PPP2R3A: variants seen among roughly 807,000 people sequenced by gnomAD.
PPP2R3A encodes serine/threonine-protein phosphatase 2A regulatory subunit B'' subunit alpha.
PPP2R3A carries 80 observed loss-of-function variants against 106.9 expected under a neutral mutation model. That is an observed-to-expected ratio of 0.75 (90% CI 0.62 to 0.90). The LOEUF is 0.90. PPP2R3A is among the 40% of genes least tolerant of loss of function. The pLI, the probability that PPP2R3A is intolerant of heterozygous loss-of-function variation, is 0.00. For missense variants in PPP2R3A, 1,386 were observed against 1,350.4 expected (o/e 1.03, Z -0.41); for synonymous variants, 483 against 468.3 (o/e 1.03, Z -0.41).
rs1378687533 is a variant in PPP2R3A, at chr3:136,145,853, A to G, written c.*687A>G. 1.3e-5 allele frequency: 2 copies of G among 152,438 alleles called. No homozygotes were observed. The highest frequency in any genetic ancestry group is 2.4e-5 in the African/African-American group (1 of 41,456). The allele number at this position is 152,438 out of a possible 1,614,324, so 9.4% of individuals were successfully genotyped here. On this transcript the variant is annotated 3_prime_UTR_variant, in exon 14 of 14. Coordinates refer to ENST00000264977, the MANE Select transcript of PPP2R3A (RefSeq NM_002718.5). ...TTATATAAAATCTCAAGATAAAAAA[A>G]CACTTCTTAAATGAAGTATAGAATT...
chr3:136,083,703 A>C (rs865969152), intron 8 of PPP2R3A, among the ~76,000 whole-genome samples: 1 of 152,236 alleles, frequency 6.6e-6, no homozygotes, highest in Non-Finnish European at 1.5e-5. Context: ...CATGTGGGAA[A>C]GTTTGGAACT....
chr3:135,971,373 A>G (rs1169831302), intron 1 of PPP2R3A, among the ~76,000 whole-genome samples: 3 of 152,178 alleles, frequency 2.0e-5, no homozygotes, highest in Non-Finnish European at 4.4e-5. Context: ...TTGTAATGCA[A>G]ATGGTCACAA....
intron 13 of PPP2R3A, among the ~76,000 whole-genome samples, chr3:136,114,453 A>C (rs1217150917): frequency 6.6e-6 from 1 of 152,120 alleles, no homozygotes; most frequent in Non-Finnish European, 1.5e-5. Context: ...ACTCCCCTGG[A>C]AGGGGGCTCA....
In PPP2R3A at chr3:136,041,258, T is replaced by TTG. The variant is rs1935271873; in HGVS notation, c.2366+297_2366+298insGT. Among the ~76,000 whole-genome samples, 9 of 121,894 alleles carry TTG rather than the reference T, an allele frequency of 7.4e-5. No homozygotes were observed. In the East Asian group the frequency reaches 8.1e-4, roughly 11 times the overall value. 80.0% of individuals were successfully genotyped at this position (121,894 alleles called of 152,430 possible). On this transcript the variant is annotated intron_variant, in intron 4 of 13. Transcript: ENST00000264977. ...TTCTTGTTTTTTTTTTTGTTTTTTT[T>TTG]TTTGTTTTTTTTTTTTTGAGACAGA...
At chr3:136,072,188 T>C (rs1936455171) in intron 6 of PPP2R3A, among the ~76,000 whole-genome samples, 1 of 152,202 alleles carries the variant, frequency 6.6e-6, no homozygotes, top group Admixed American at 6.5e-5. Context: ...CTCTATAATA[T>C]AAGCTCCATA....
intron 5 of PPP2R3A, among the ~76,000 whole-genome samples, chr3:136,057,381 C>T (rs568490489): frequency 4.6e-5 from 7 of 152,078 alleles, no homozygotes; most frequent in African/African-American, 1.2e-4. Context: ...GAACTGGAGG[C>T]CATTATGTTA....
intron 6 of PPP2R3A, among the ~76,000 whole-genome samples, chr3:136,076,560 C>T (rs538218272): frequency 2.0e-5 from 3 of 152,122 alleles, no homozygotes; most frequent in Admixed American, 6.5e-5. Flanking sequence ...GAAGCCAACC[C>T]GTATTTCTCT....
rs775678749 is a variant in PPP2R3A, at chr3:136,018,647, G to A, written c.1996-8185G>A. Among the ~76,000 whole-genome samples, 16 of 151,962 alleles carry A rather than the reference G, an allele frequency of 1.1e-4. 1 individual carries two copies. Among genetic ancestry groups the A allele is most frequent in the South Asian group, 8.3e-4 (4 of 4,818 alleles). On this transcript the variant is annotated intron_variant, in intron 2 of 13. Transcript: ENST00000264977. ...CCTACCCAATCTCACCTTCCTTCAGGGTACATTTTAAACTTATTCCTCAGT... is the reference window on the plus strand; with the variant it reads ...CCTACCCAATCTCACCTTCCTTCAGAGTACATTTTAAACTTATTCCTCAGT...
rs1337740099 is a variant in PPP2R3A at position 135,967,663 on chromosome 3, G to GT, written c.-441+1816dup. Among the ~76,000 whole-genome samples, 18 of 152,220 alleles carry GT rather than the reference G, an allele frequency of 1.2e-4. No individual in the cohort carries two copies. The East Asian group carries it at 3.5e-3, about 29-fold the overall frequency. ...CATAGTCCCCACTGATCTGGCCCCT[G>GT]TTACCTTTCAAACACACAGCTGAAG... On this transcript the variant is annotated intron_variant, in intron 1 of 13. Coordinates refer to ENST00000264977, the MANE Select transcript of PPP2R3A (RefSeq NM_002718.5).
intron 9 of PPP2R3A, 87 bp from the exon 10 acceptor site, chr3:136,090,491 C>A: frequency 9.2e-7 from 1 of 1,084,934 alleles, no homozygotes; most frequent in Non-Finnish European, 1.4e-6. Context: ...TTTTAACTGA[C>A]ATACTACTTT....
intron 12 of PPP2R3A, among the ~76,000 whole-genome samples, chr3:136,104,393 G>A (rs1365817887): frequency 2.0e-5 from 3 of 150,522 alleles, no homozygotes; most frequent in Non-Finnish European, 4.4e-5. Flanking sequence ...CGCAACCTCC[G>A]CCTCCCGGGT....
At chr3:135,978,588 G>A (rs1256072624) in intron 1 of PPP2R3A, among the ~76,000 whole-genome samples, 1 of 151,536 alleles carries the variant, frequency 6.6e-6, no homozygotes, top group Non-Finnish European at 1.5e-5. Context: ...ATTCTATCCA[G>A]TTTGGCTTTT....
intron 1 of PPP2R3A, among the ~76,000 whole-genome samples, chr3:135,981,831 A>G (rs890621954): frequency 6.6e-6 from 1 of 151,840 alleles, no homozygotes; most frequent in Admixed American, 6.5e-5. Context: ...AGGCCAAGGG[A>G]GAATAGTACA....
chr3:136,115,083 C>A (rs552162812), intron 13 of PPP2R3A, among the ~76,000 whole-genome samples: 1 of 152,326 alleles, frequency 6.6e-6, no homozygotes, highest in African/African-American at 2.4e-5. Context: ...AGGCAGCAAT[C>A]TTTGCTGTTC....
At chr3:136,111,264 T>C (rs1937587145) in intron 13 of PPP2R3A, among the ~76,000 whole-genome samples, 1 of 152,196 alleles carries the variant, frequency 6.6e-6, no homozygotes, top group Non-Finnish European at 1.5e-5. Context: ...TTCTTATTTG[T>C]ATAAGAGTAG....
intron 13 of PPP2R3A, among the ~76,000 whole-genome samples, chr3:136,108,935 C>T (rs1310964389): frequency 6.6e-6 from 1 of 151,958 alleles, no homozygotes; most frequent in Non-Finnish European, 1.5e-5. Flanking sequence ...TTATATAGTA[C>T]CCAGGAGCTC....
intron 1 of PPP2R3A, among the ~76,000 whole-genome samples, chr3:135,980,810 T>G (rs1937531652): frequency 6.6e-6 from 1 of 151,882 alleles, no homozygotes; most frequent in East Asian, 1.9e-4. Context: ...ACCACTGATG[T>G]TCAAGTGTCT....
chr3:135,988,503 G>A (rs1040837369), intron 1 of PPP2R3A, among the ~76,000 whole-genome samples: 1 of 152,028 alleles, frequency 6.6e-6, no homozygotes, highest in Non-Finnish European at 1.5e-5. Context: ...CAGCCAGAAT[G>A]ATTTTGTGAA....
chr3:136,068,110 CA>C (rs1247522284), intron 5 of PPP2R3A, among the ~76,000 whole-genome samples: 3 of 152,026 alleles, frequency 2.0e-5, no homozygotes, highest in African/African-American at 7.2e-5. Flanking sequence ...TCCAGCTACT[CA>C]GGGGGCTGAG....
Sources: allele counts gnomAD v4.1 joint callset (sites outside exome capture counted in the v4.1 genomes callset), GRCh38; gene constraint gnomAD v4.1.1; transcripts MANE v1.5; gene names NCBI Gene and HGNC (gene_info 2026-07-23, HGNC 2026-07-21).